The following MBP variants were observed in gnomAD, a reference collection of about 807,000 sequenced individuals.
MBP encodes the protein myelin basic protein, also known as Golli-MBP.
A neutral mutation model predicts 35.8 loss-of-function variants in MBP; 16 were observed. The ratio of observed to expected loss-of-function variants is 0.45; its 90% confidence interval spans 0.30 to 0.68. MBP has a LOEUF of 0.68. MBP is among the 30% of genes least tolerant of loss of function. The pLI, the probability that MBP is intolerant of heterozygous loss-of-function variation, is 0.08. For synonymous variants in MBP, 143 were observed against 159.6 expected (o/e 0.90, Z 0.78); for missense variants, 380 against 404.7 (o/e 0.94, Z 0.52).
chr18:77,018,770 AT>A (rs1971827132), intron 3 of MBP, among the ~76,000 whole-genome samples: 1 of 147,802 alleles, frequency 6.8e-6, no homozygotes, highest in African/African-American at 2.6e-5. Context: ...CCATCCATCC[AT>A]CCATCCATCC....
At chr18:77,036,952 TTGGAGA>T in intron 3 of MBP, among the ~76,000 whole-genome samples, 1 of 73,190 alleles carries the variant, frequency 1.4e-5, no homozygotes, top group African/African-American at 6.0e-5. Flanking sequence ...TGGTCACATT[TTGGAGA>T]CTGAGCTGAG....
At chr18:77,067,912 C>A (rs1008942747) in intron 2 of MBP, 10 of 465,046 alleles carry the variant, frequency 2.2e-5, no homozygotes, top group African/African-American at 1.4e-4. Flanking sequence ...GTACTGCAGG[C>A]TGTTTGTTCC....
intron 2 of MBP, among the ~76,000 whole-genome samples, chr18:77,091,899 C>G (rs919119831): frequency 3.3e-5 from 5 of 152,112 alleles, no homozygotes; most frequent in Admixed American, 6.5e-5. Flanking sequence ...GTTACAAACA[C>G]AGAGATATAA....
At chr18:77,013,700 A>T (rs936436686) in intron 4 of MBP, 1 of 985,440 alleles carries the variant, frequency 1.0e-6, no homozygotes, top group Non-Finnish European at 1.2e-6. Context: ...AGACAAAATC[A>T]TCGGTAAGAA....
chr18:77,079,332 C>T (rs961187479), intron 2 of MBP, among the ~76,000 whole-genome samples: 3 of 152,202 alleles, frequency 2.0e-5, no homozygotes, highest in East Asian at 1.9e-4. Flanking sequence ...CTGGGCAGTA[C>T]CACCCATGGC....
chr18:77,046,703 G>T (rs1426362911), intron 3 of MBP, among the ~76,000 whole-genome samples: 1 of 152,256 alleles, frequency 6.6e-6, no homozygotes, highest in Non-Finnish European at 1.5e-5. Flanking sequence ...GAGCATTGTG[G>T]TTCCACATTA....
At chr18:77,015,870 CA>C in intron 4 of MBP, 1 of 985,432 alleles carries the variant, frequency 1.0e-6, no homozygotes, top group Non-Finnish European at 1.2e-6. Context: ...TACGCTCCCA[CA>C]AGGCCTTCTG....
intron 2 of MBP, among the ~76,000 whole-genome samples, chr18:77,073,899 C>T (rs1411262195): frequency 1.3e-5 from 2 of 152,194 alleles, no homozygotes; most frequent in African/African-American, 2.4e-5. Context: ...TAAAAGATCA[C>T]CATGATATCT....
At chr18:77,022,809 C>T (rs1220610998) in intron 3 of MBP, among the ~76,000 whole-genome samples, 1 of 152,154 alleles carries the variant, frequency 6.6e-6, no homozygotes, top group Non-Finnish European at 1.5e-5. Flanking sequence ...GTAGCTTCTC[C>T]CAACACATAA....
intron 2 of MBP, among the ~76,000 whole-genome samples, chr18:77,099,217 CG>C (rs1215617556): frequency 6.6e-6 from 1 of 152,176 alleles, no homozygotes; most frequent in Non-Finnish European, 1.5e-5. Context: ...GTACACTATA[CG>C]GGGGGTCTCA....
intron 3 of MBP, among the ~76,000 whole-genome samples, chr18:77,052,089 C>G (rs183517942): frequency 7.2e-5 from 11 of 152,224 alleles, no homozygotes; most frequent in Admixed American, 6.5e-4. Flanking sequence ...GCTGCCCTCC[C>G]GAGACTGTGC....
chr18:77,076,080 G>T (rs568369442), intron 2 of MBP, among the ~76,000 whole-genome samples: 22 of 152,340 alleles, frequency 1.4e-4, no homozygotes, highest in Middle Eastern at 3.4e-3. Context: ...GGCAGTGACG[G>T]TTTATGCTAT....
intron 2 of MBP, among the ~76,000 whole-genome samples, chr18:77,096,029 C>T (rs186765105): frequency 8.5e-5 from 13 of 152,280 alleles, no homozygotes; most frequent in African/African-American, 2.9e-4. Flanking sequence ...ATGACAAGAA[C>T]AGAACTCACT....
chr18:77,074,161 G>A (rs1974558243), intron 2 of MBP, among the ~76,000 whole-genome samples: 1 of 152,182 alleles, frequency 6.6e-6, no homozygotes, highest in Non-Finnish European at 1.5e-5. Context: ...CTTGGAGGTA[G>A]ACAGTGCCCA....
At chr18:77,074,319 T>TCCC (rs766120993) in intron 2 of MBP, among the ~76,000 whole-genome samples, 19 of 150,718 alleles carry the variant, frequency 1.3e-4, no homozygotes, top group Non-Finnish European at 2.4e-4. Flanking sequence ...AGCCCCGGTC[T>TCCC]CAAGGGGGTT....
intron 3 of MBP, among the ~76,000 whole-genome samples, chr18:77,046,241 G>A (rs1206623777): frequency 6.6e-6 from 1 of 152,174 alleles, no homozygotes. Context: ...GGCTAGATGA[G>A]GCTATTACTC....
chr18:77,035,571 G>T (rs1342461852), intron 3 of MBP, among the ~76,000 whole-genome samples: 1 of 152,212 alleles, frequency 6.6e-6, no homozygotes, highest in East Asian at 1.9e-4. Flanking sequence ...ATGCAGAGCT[G>T]TCTGTGAACT....
At chr18:77,041,375 C>A (rs1238616673) in intron 3 of MBP, among the ~76,000 whole-genome samples, 1 of 152,138 alleles carries the variant, frequency 6.6e-6, no homozygotes, top group African/African-American at 2.4e-5. Flanking sequence ...TGTGGCGATT[C>A]CTCAGGGATC....
chr18:76,992,880 C>T (rs1220987454), intron 4 of MBP, among the ~76,000 whole-genome samples: 7 of 152,186 alleles, frequency 4.6e-5, no homozygotes, highest in East Asian at 1.9e-4. Flanking sequence ...GCCCTGGCCC[C>T]GACCATCTTC....
Sources: gnomAD v4.1 joint callset for allele counts (sites outside exome capture counted in the v4.1 genomes callset) on GRCh38, gnomAD v4.1.1 for gene constraint, MANE v1.5 for transcripts, NCBI Gene and HGNC (gene_info 2026-07-23, HGNC 2026-07-21) for gene names.